Variants in LGR5 observed in about 807,000 individuals in gnomAD.
LGR5 encodes leucine rich repeat containing G protein-coupled receptor 5, also known as leucine-rich repeat-containing G protein-coupled receptor 5.
LGR5 carries 54 observed loss-of-function variants against 76.7 expected under a neutral mutation model. That is an observed-to-expected ratio of 0.70 (90% CI 0.57 to 0.88). The LOEUF (loss-of-function observed/expected upper bound fraction) is 0.88. LGR5 is among the 40% of genes least tolerant of loss of function. The pLI is 0.00. For synonymous variants in LGR5, 406 were observed against 421.9 expected (o/e 0.96, Z 0.46); for missense variants, 1,078 against 1,073.3 (o/e 1.00, Z -0.06).
At chr12:71,572,991 G>A in intron 13 of LGR5, 70 bp downstream of exon 13, 1 of 1,157,156 alleles carries the variant, frequency 8.6e-7, no homozygotes, top group East Asian at 2.4e-5. Context: ...TTCCCCTAAT[G>A]TTTTCTTTTC....
rs1878359919 is a variant in LGR5 at position 71,566,651 on chromosome 12, C to A, written c.949C>A (p.Gln317Lys). ...TTCTAGGACTCTGAATGGTGCCTCA[C>A]AAATAACTGAATTTCCTGATTTAAC... is the stretch of plus-strand genomic sequence containing the variant. ...LRTLTLNGAS[Q>K]ITEFPDLTGT... is the part of the protein sequence containing the mutation. Residue 317 changes from glutamine to lysine, a missense_variant, in exon 10 of 18, where the codon CAA (glutamine) becomes AAA (lysine). Gln to Lys is a moderately conservative substitution (Grantham distance 53). Transcript: ENST00000266674. The A allele has an allele frequency of 1.2e-6, 2 of 1,613,062 alleles. No individual in the cohort carries two copies. Among genetic ancestry groups the A allele is most frequent in the African/African-American group, 2.7e-5 (2 of 74,886 alleles).
Position 71,578,737 on chromosome 12 carries a change from T to A in LGR5, c.1281-67T>A, listed in dbSNP as rs1013515510. 4.2e-6 allele frequency: 6 copies of A among 1,433,040 alleles called. No individual in the cohort carries two copies. In the African/African-American group the frequency reaches 8.6e-5, roughly 21 times the overall value. 88.8% of individuals were successfully genotyped at this position (1,433,040 alleles called of 1,614,324 possible). ...TAGTTTAACGATCTTTAGGTTGTTG[T>A]TTTTTTTAACATAAACGTTTTATGC... On this transcript the variant is annotated intron_variant, in intron 14 of 17. Coordinates refer to ENST00000266674, the MANE Select transcript of LGR5 (RefSeq NM_003667.4).
chr12:71,543,061 G>A (rs900343888), intron 4 of LGR5, among the ~76,000 whole-genome samples: 2 of 152,036 alleles, frequency 1.3e-5, no homozygotes, highest in African/African-American at 4.8e-5. Flanking sequence ...GAAAGCACTA[G>A]GACATACGTA....
chr12:71,547,391 C>T (rs1877240485), intron 4 of LGR5, among the ~76,000 whole-genome samples: 1 of 152,156 alleles, frequency 6.6e-6, no homozygotes, highest in Non-Finnish European at 1.5e-5. Context: ...AAATGGCAAT[C>T]TCCCATAGAC....
Position 71,552,302 on chromosome 12 carries a change from C to T in LGR5, c.429-771C>T, listed in dbSNP as rs373755421. ...TTACTCGGCCAGGTGCGGTGGCTCA[C>T]ACCTGTAATCCCAGTACTTTGGGAG... On this transcript the variant is annotated intron_variant, in intron 4 of 17. Coordinates refer to ENST00000266674, the MANE Select transcript of LGR5 (RefSeq NM_003667.4). 3.3e-5 allele frequency among the ~76,000 whole-genome samples: 5 copies of T among 152,146 alleles called. No homozygotes were observed. In the East Asian group the frequency reaches 7.7e-4, roughly 23 times the overall value.
Position 71,440,157 on chromosome 12 carries a change from G to T in LGR5, c.77G>T (p.Arg26Met). 1 of 1,611,280 alleles carries T rather than the reference G, an allele frequency of 6.2e-7. No homozygotes were observed. The change falls in exon 1 of 18, where the codon AGG becomes ATG. Residue 26 changes from arginine (R) to methionine (M), a missense_variant. Physicochemically the swap from Arg to Met is moderately conservative, Grantham distance 91. Coordinates refer to ENST00000266674, the MANE Select transcript of LGR5 (RefSeq NM_003667.4). The surrounding 1 kb of genome is among the most constrained non-coding windows in gnomAD (Gnocchi z 5.3). ...CTGGCGACCGGGGGCAGCTCTCCCA[G>T]GTCTGGTGTGTTGCTGAGGGGCTGC... ...LQLATGGSSP[R>M]SGVLLRGCPT...
intron 1 of LGR5, among the ~76,000 whole-genome samples, chr12:71,472,461 C>T (rs994449098): frequency 2.0e-5 from 3 of 152,100 alleles, no homozygotes; most frequent in Admixed American, 6.5e-5. Flanking sequence ...AGGCTCTCCC[C>T]GGAGCAAGTA....
chr12:71,522,804 C>T (rs1024886253), intron 2 of LGR5, among the ~76,000 whole-genome samples: 2 of 152,016 alleles, frequency 1.3e-5, no homozygotes, highest in African/African-American at 4.8e-5. Context: ...GTAGGGAAAT[C>T]GTGGAGTTTT....
rs143532643 is a variant in LGR5, at chr12:71,471,236, G to A, written c.212+30944G>A. ...AGAATAAGGGCTCTATCAAAATGTGGAAATAACCCAAATGTCCACCAACTG... is the reference window on the plus strand; with the variant it reads ...AGAATAAGGGCTCTATCAAAATGTGAAAATAACCCAAATGTCCACCAACTG... On this transcript the variant is annotated intron_variant, in intron 1 of 17. Coordinates refer to ENST00000266674, the MANE Select transcript of LGR5 (RefSeq NM_003667.4). Among the ~76,000 whole-genome samples, 74 of 152,286 alleles carry A rather than the reference G, an allele frequency of 4.9e-4. No homozygotes were observed. In the East Asian group the frequency reaches 6.2e-3, roughly 13 times the overall value.
intron 4 of LGR5, among the ~76,000 whole-genome samples, chr12:71,537,888 G>A (rs1876682394): frequency 6.6e-6 from 1 of 152,040 alleles, no homozygotes; most frequent in African/African-American, 2.4e-5. Flanking sequence ...TTCTTGGACT[G>A]GAGTCAACCC....
chr12:71,564,947 ATGTGTATATATACGTATG>A (rs1878266256), intron 8 of LGR5, among the ~76,000 whole-genome samples: 1 of 151,352 alleles, frequency 6.6e-6, no homozygotes, highest in Admixed American at 6.6e-5. Context: ...ATACATACGT[ATGTGTATATATACGTATG>A]TGTGTATATA....
At chr12:71,551,545 T>C (rs574408829) in intron 4 of LGR5, among the ~76,000 whole-genome samples, 1 of 152,166 alleles carries the variant, frequency 6.6e-6, no homozygotes, top group Non-Finnish European at 1.5e-5. Flanking sequence ...TAAAAGCAGA[T>C]TGGGAAAAAA....
intron 1 of LGR5, among the ~76,000 whole-genome samples, chr12:71,500,049 A>T (rs1874522642): frequency 6.6e-6 from 1 of 152,118 alleles, no homozygotes; most frequent in Non-Finnish European, 1.5e-5. Context: ...GGGCTTATGG[A>T]CATAGGGATG....
chr12:71,577,817 A>G (rs1878923806), intron 13 of LGR5, 108 bp from the exon 14 acceptor site: 1 of 715,316 alleles, frequency 1.4e-6, no homozygotes, highest in Non-Finnish European at 2.4e-6. Flanking sequence ...ATTGTTTCTG[A>G]TCTGAATGGA....
chr12:71,563,257 T>C (rs1289108597), intron 8 of LGR5, among the ~76,000 whole-genome samples: 3 of 152,138 alleles, frequency 2.0e-5, no homozygotes, highest in Non-Finnish European at 2.9e-5. Context: ...TGTGAATGCT[T>C]TCCAGGTCCA....
intron 2 of LGR5, among the ~76,000 whole-genome samples, chr12:71,523,367 GGGGCT>G (rs1875818929): frequency 6.6e-6 from 1 of 151,990 alleles, no homozygotes; most frequent in South Asian, 2.1e-4. Context: ...TACCCAGCAG[GGGGCT>G]GGGTACTATG....
chr12:71,449,397 G>A (rs889727377), intron 1 of LGR5, among the ~76,000 whole-genome samples: 25 of 152,208 alleles, frequency 1.6e-4, no homozygotes, highest in African/African-American at 6.0e-4. Flanking sequence ...TATAGTACAG[G>A]AGGAAGTTCA....
intron 4 of LGR5, among the ~76,000 whole-genome samples, chr12:71,550,424 C>A (rs777431209): frequency 6.8e-6 from 1 of 147,890 alleles, no homozygotes; most frequent in Admixed American, 6.9e-5. Flanking sequence ...TGAACCACTG[C>A]GCGCAGCCCA....
At chr12:71,538,529 G>T (rs891173320) in intron 4 of LGR5, among the ~76,000 whole-genome samples, 3 of 151,996 alleles carry the variant, frequency 2.0e-5, no homozygotes, top group Non-Finnish European at 4.4e-5. Flanking sequence ...TTTTCTAACT[G>T]GCTTAATTGC....
Sources: allele counts gnomAD v4.1 joint callset (sites outside exome capture counted in the v4.1 genomes callset), GRCh38; gene constraint gnomAD v4.1.1; non-coding constraint Gnocchi (gnomAD v3.1); transcripts MANE v1.5; gene names NCBI Gene and HGNC (gene_info 2026-07-23, HGNC 2026-07-21).